The following TMEFF2 variants were observed in gnomAD, a reference collection of about 807,000 sequenced individuals.
The protein encoded by TMEFF2 is tomoregulin-2.
In TMEFF2, 28 loss-of-function variants were observed where a neutral mutation model predicts 53.8. That is an observed-to-expected ratio of 0.52 (90% CI 0.39 to 0.71). The LOEUF (loss-of-function observed/expected upper bound fraction) is 0.71, where lower values mean the gene tolerates loss of function less well. Ranked by LOEUF, TMEFF2 falls within the 30% of genes least tolerant of loss-of-function variation. The pLI is 0.00. For missense variants in TMEFF2, 353 were observed against 455.2 expected, an observed-to-expected ratio of 0.78 and a Z score of 2.04; for synonymous variants, 162 against 166.3, an observed-to-expected ratio of 0.97 and a Z score of 0.20.
intron 7 of TMEFF2, among the ~76,000 whole-genome samples, chr2:191,977,297 G>C (rs1685752936): frequency 6.6e-6 from 1 of 152,224 alleles, no homozygotes; most frequent in Non-Finnish European, 1.5e-5. Context: ...TGCCATAGGA[G>C]CTATTGTACA....
At chr2:192,134,753 G>A (rs182294221) in intron 4 of TMEFF2, among the ~76,000 whole-genome samples, 2 of 152,114 alleles carry the variant, frequency 1.3e-5, no homozygotes, top group Admixed American at 6.6e-5. Context: ...GGTCTGAGAA[G>A]GCCACCGCAG....
intron 4 of TMEFF2, among the ~76,000 whole-genome samples, chr2:192,152,863 C>A (rs868800684): frequency 2.0e-5 from 3 of 151,812 alleles, no homozygotes; most frequent in African/African-American, 7.3e-5. Context: ...CCAAAGACAA[C>A]CATTCTCAGA....
At chr2:192,184,824 T>C (rs13000218) in intron 2 of TMEFF2, among the ~76,000 whole-genome samples, 1 of 152,090 alleles carries the variant, frequency 6.6e-6, no homozygotes, top group South Asian at 2.1e-4. Flanking sequence ...TATGACTTGA[T>C]GGAAAAAATT....
chr2:192,014,949 T>C (rs1686711641), intron 5 of TMEFF2, among the ~76,000 whole-genome samples: 4 of 152,224 alleles, frequency 2.6e-5, no homozygotes, highest in Admixed American at 2.6e-4. Context: ...GTTTTTATTT[T>C]GACTATGATT....
intron 5 of TMEFF2, among the ~76,000 whole-genome samples, chr2:192,028,237 T>C (rs1450614648): frequency 2.6e-5 from 4 of 152,190 alleles, no homozygotes; most frequent in Non-Finnish European, 5.9e-5. Flanking sequence ...TCCCCAGCCA[T>C]GTGGGACTGT....
chr2:191,958,071 G>A (rs4511672), intron 7 of TMEFF2, among the ~76,000 whole-genome samples: 105,627 of 152,114 alleles, frequency 0.69, 37,864 homozygotes, highest in East Asian at 0.91. Context: ...GGGAACGTGT[G>A]ACCAAAATGG....
chr2:192,174,984 T>G (rs1405098100), intron 4 of TMEFF2, among the ~76,000 whole-genome samples: 2 of 151,748 alleles, frequency 1.3e-5, no homozygotes, highest in Non-Finnish European at 2.9e-5. Flanking sequence ...CAATTCCTTG[T>G]TATTTACAGT....
chr2:191,999,044 T>G lies in TMEFF2; in HGVS notation c.685+16A>C, dbSNP rs748350635. ...CTAAAATCATTCTTTGAAATGAATT[T>G]TGGTATGAACATTACCTTGACATCG... On this transcript the variant is annotated intron_variant, in intron 6 of 9. Coordinates refer to ENST00000272771, the MANE Select transcript of TMEFF2 (RefSeq NM_016192.4). 26 of 1,575,998 alleles carry G rather than the reference T, an allele frequency of 1.6e-5. 1 individual carries two copies. In the South Asian group the frequency reaches 2.8e-4, roughly 17 times the overall value.
intron 4 of TMEFF2, among the ~76,000 whole-genome samples, chr2:192,096,918 C>T (rs550838796): frequency 4.6e-5 from 7 of 152,046 alleles, no homozygotes; most frequent in South Asian, 4.2e-4. Flanking sequence ...TCAAGTGATC[C>T]GTCTGCCACG....
intron 4 of TMEFF2, among the ~76,000 whole-genome samples, chr2:192,101,369 A>G (rs1242068995): frequency 2.0e-5 from 3 of 152,176 alleles, no homozygotes; most frequent in Non-Finnish European, 4.4e-5. Flanking sequence ...TTAAAAAATG[A>G]AAAAAACTCT....
intron 5 of TMEFF2, among the ~76,000 whole-genome samples, chr2:192,052,304 C>G (rs962437520): frequency 2.6e-5 from 4 of 152,212 alleles, no homozygotes; most frequent in Non-Finnish European, 4.4e-5. Context: ...TTCCTATGGT[C>G]AGACCCAGCT....
chr2:192,054,642 T>C (rs1687858090), intron 5 of TMEFF2, among the ~76,000 whole-genome samples: 1 of 152,150 alleles, frequency 6.6e-6, no homozygotes, highest in Non-Finnish European at 1.5e-5. Context: ...AGCTCTAACC[T>C]TGCAGGCCTT....
At chr2:192,074,829 A>C (rs964733765) in intron 4 of TMEFF2, among the ~76,000 whole-genome samples, 3 of 151,822 alleles carry the variant, frequency 2.0e-5, no homozygotes, top group African/African-American at 7.3e-5. Context: ...GGCTTTTTAG[A>C]GCCTTTCAGA....
At chr2:192,185,691 A>G (rs912880296) in intron 2 of TMEFF2, among the ~76,000 whole-genome samples, 1 of 152,058 alleles carries the variant, frequency 6.6e-6, no homozygotes, top group African/African-American at 2.4e-5. Context: ...AATCTGATTG[A>G]TTAAAACCTG....
chr2:192,028,633 C>T (rs1687036183), intron 5 of TMEFF2: 1 of 151,942 alleles, frequency 6.6e-6, no homozygotes, highest in South Asian at 2.1e-4. Flanking sequence ...TTCTTATCAG[C>T]AAGCAAAGGT....
intron 4 of TMEFF2, among the ~76,000 whole-genome samples, chr2:192,165,485 A>G (rs1288911662): frequency 6.6e-6 from 1 of 152,160 alleles, no homozygotes; most frequent in Non-Finnish European, 1.5e-5. Flanking sequence ...AGAGTGTTAT[A>G]CTGGGCTTAT....
intron 4 of TMEFF2, among the ~76,000 whole-genome samples, chr2:192,117,656 TC>T (rs1689445647): frequency 6.6e-6 from 1 of 152,078 alleles, no homozygotes; most frequent in Non-Finnish European, 1.5e-5. Context: ...TGACTCTTTT[TC>T]CACCTCCCCA....
intron 4 of TMEFF2, among the ~76,000 whole-genome samples, chr2:192,143,266 G>A (rs1346182378): frequency 6.6e-6 from 1 of 151,882 alleles, no homozygotes. Context: ...TTTAATGTTA[G>A]CAGCAGAACT....
intron 5 of TMEFF2, chr2:192,032,160 A>G (rs1261609128): frequency 6.6e-6 from 1 of 152,232 alleles, no homozygotes; most frequent in Non-Finnish European, 1.5e-5. Flanking sequence ...TCTTGAAGTC[A>G]TATATTGTCT....
Sources: allele counts gnomAD v4.1 joint callset (sites outside exome capture counted in the v4.1 genomes callset), GRCh38; gene constraint gnomAD v4.1.1; transcripts MANE v1.5; gene names NCBI Gene and HGNC (gene_info 2026-07-23, HGNC 2026-07-21).